TAFA4: variants seen among roughly 807,000 people sequenced by gnomAD.
TAFA4 encodes TAFA chemokine like family member 4, also known as chemokine-like protein TAFA-4.
Under a neutral mutation model 21.1 loss-of-function variants are expected in TAFA4, and 20 were observed. That is an observed-to-expected ratio of 0.95 (90% CI 0.67 to 1.38). The LOEUF is 1.38. Among genes scored for constraint, TAFA4 ranks in the 40% most tolerant of loss-of-function variants. The probability of loss-of-function intolerance (pLI) is 0.00; values close to 1 mark genes in which losing one functional copy is unlikely to be tolerated. For synonymous variants in TAFA4, 71 were observed against 67.4 expected (o/e 1.05, Z -0.26); for missense variants, 211 against 180.9 (o/e 1.17, Z -0.95).
chr3:68,731,842 T>A lies in TAFA4; in HGVS notation c.*1300A>T, dbSNP rs1352692897. 2 of 151,454 alleles carry A rather than the reference T, an allele frequency of 1.3e-5. No homozygotes were observed. Among genetic ancestry groups the A allele is most frequent in the South Asian group, 2.1e-4 (1 of 4,738 alleles). The allele number at this position is 151,454 out of a possible 1,614,324, so 9.4% of individuals were successfully genotyped here. On this transcript the variant is annotated 3_prime_UTR_variant, in exon 6 of 6. Transcript: ENST00000295569. ...TTCAAAAATTACGCCAACAAATCTT[T>A]CCATTCCTTTCCATTCCCTCTGCAA...
chr3:68,858,385 G>T (rs192702209), intron 3 of TAFA4, among the ~76,000 whole-genome samples: 136 of 151,338 alleles, frequency 9.0e-4, no homozygotes, highest in African/African-American at 3.2e-3. Flanking sequence ...CACCGTTAAC[G>T]CAGTGTACCT....
chr3:68,808,514 C>T (rs1290913642), intron 3 of TAFA4, among the ~76,000 whole-genome samples: 1 of 152,208 alleles, frequency 6.6e-6, no homozygotes, highest in Non-Finnish European at 1.5e-5. Context: ...TCTGAATGAG[C>T]CACCATAGCC....
chr3:68,900,539 C>T (rs1651486381), intron 1 of TAFA4, among the ~76,000 whole-genome samples: 1 of 152,004 alleles, frequency 6.6e-6, no homozygotes, highest in South Asian at 2.1e-4. Flanking sequence ...CTCAGAGAAG[C>T]ACTCTCTACT....
intron 3 of TAFA4, among the ~76,000 whole-genome samples, chr3:68,778,620 T>C (rs1037780876): frequency 2.6e-5 from 4 of 152,116 alleles, no homozygotes; most frequent in Non-Finnish European, 5.9e-5. Context: ...TAAAAAGAGG[T>C]GTTCCCCTGC....
intron 3 of TAFA4, among the ~76,000 whole-genome samples, chr3:68,781,760 TATGTGGCCAGCATTACTCTGATATGAAAA>T (rs1231165260): frequency 1.6e-4 from 24 of 152,180 alleles, no homozygotes; most frequent in African/African-American, 5.8e-4. Context: ...TACCTCATTT[TATGTGGCCAGCATTACTCTGATATGAAAA>T]CCAAAGACAC....
chr3:68,817,186 T>G (rs533266669), intron 3 of TAFA4, among the ~76,000 whole-genome samples: 1 of 152,372 alleles, frequency 6.6e-6, no homozygotes, highest in Non-Finnish European at 1.5e-5. Context: ...TCCTTTATTG[T>G]CATTTCAACA....
At chr3:68,761,501 C>T (rs1702754896) in intron 3 of TAFA4, among the ~76,000 whole-genome samples, 1 of 152,076 alleles carries the variant, frequency 6.6e-6, no homozygotes, top group African/African-American at 2.4e-5. Flanking sequence ...CTTGCAAAAT[C>T]TGAGGGGAAA....
intron 3 of TAFA4, among the ~76,000 whole-genome samples, chr3:68,831,448 C>T (rs991013543): frequency 2.0e-5 from 3 of 152,112 alleles, no homozygotes; most frequent in African/African-American, 7.2e-5. Flanking sequence ...ACTTATGAAG[C>T]TTAGTTTGGC....
At position 68,736,136 on chromosome 3, in the gene TAFA4, A is replaced by C. The variant is rs1434863322; in HGVS notation, c.411+2939T>G. On this transcript the variant is annotated intron_variant, in intron 5 of 5. Coordinates refer to ENST00000295569, the MANE Select transcript of TAFA4 (RefSeq NM_182522.5). ...ATTTGCTTCTGCTCACAAACAAGATACGGCAAATGCTTGGCTTCGTTGCTA... is the reference window on the plus strand; with the variant it reads ...ATTTGCTTCTGCTCACAAACAAGATCCGGCAAATGCTTGGCTTCGTTGCTA... Among the ~76,000 whole-genome samples the C allele has an allele frequency of 4.6e-5, 7 of 152,136 alleles. No individual in the cohort carries two copies. The East Asian group carries it at 1.3e-3, about 29-fold the overall frequency.
chr3:68,795,723 C>G (rs946630994), intron 3 of TAFA4, among the ~76,000 whole-genome samples: 1 of 152,062 alleles, frequency 6.6e-6, no homozygotes, highest in Non-Finnish European at 1.5e-5. Context: ...AAGCTCAAGC[C>G]CATTTGGTGA....
chr3:68,921,912 G>C (rs1414826171), intron 1 of TAFA4, among the ~76,000 whole-genome samples: 1 of 152,116 alleles, frequency 6.6e-6, no homozygotes, highest in Admixed American at 6.5e-5. Context: ...TATTTTAAAA[G>C]GCCTCAACTA....
chr3:68,751,886 C>T (rs915646471), intron 4 of TAFA4, among the ~76,000 whole-genome samples: 1 of 152,128 alleles, frequency 6.6e-6, no homozygotes, highest in Non-Finnish European at 1.5e-5. Flanking sequence ...ACATTTGGCC[C>T]CCAAAGTTTC....
At chr3:68,812,163 T>C (rs191581717) in intron 3 of TAFA4, among the ~76,000 whole-genome samples, 165 of 152,168 alleles carry the variant, frequency 1.1e-3, no homozygotes, top group African/African-American at 3.8e-3. Flanking sequence ...CTAAAAGAGC[T>C]CCTGAAAGAA....
rs574982149 is a variant in TAFA4 at position 68,870,685 on chromosome 3, G to C, written c.130+10045C>G. On this transcript the variant is annotated intron_variant, in intron 3 of 5. Coordinates refer to ENST00000295569, the MANE Select transcript of TAFA4 (RefSeq NM_182522.5). ...GCTGCATCTATCAGCCAACCGTCTA[G>C]GTTTTAAGCCCGGCATGCATTGGGT... Among the ~76,000 whole-genome samples, 5 of 152,136 alleles carry C rather than the reference G, an allele frequency of 3.3e-5. No homozygotes were observed. In the South Asian group the frequency reaches 1.0e-3, roughly 32 times the overall value.
At chr3:68,868,790 G>C (rs535124464) in intron 3 of TAFA4, among the ~76,000 whole-genome samples, 14 of 151,916 alleles carry the variant, frequency 9.2e-5, no homozygotes, top group Admixed American at 3.9e-4. Context: ...CTTCAAAAGA[G>C]TAGAACAAGT....
At chr3:68,863,130 TACACAAC>T (rs1001044967) in intron 3 of TAFA4, among the ~76,000 whole-genome samples, 1 of 150,346 alleles carries the variant, frequency 6.7e-6, no homozygotes, top group Non-Finnish European at 1.5e-5. Context: ...CCCAGCTAGC[TACACAAC>T]AGGCTCAGGT....
intron 3 of TAFA4, among the ~76,000 whole-genome samples, chr3:68,767,252 TAGAG>T (rs983350109): frequency 3.3e-5 from 5 of 152,034 alleles, no homozygotes; most frequent in Non-Finnish European, 7.4e-5. Flanking sequence ...AGGGTAGAGT[TAGAG>T]AGAGATATGG....
intron 3 of TAFA4, among the ~76,000 whole-genome samples, chr3:68,787,100 C>T (rs542933367): frequency 6.6e-6 from 1 of 152,046 alleles, no homozygotes; most frequent in Non-Finnish European, 1.5e-5. Flanking sequence ...TCCACAGGAG[C>T]CTCATAATTA....
intron 3 of TAFA4, among the ~76,000 whole-genome samples, chr3:68,850,050 T>C (rs539471710): frequency 2.6e-4 from 40 of 152,344 alleles, no homozygotes; most frequent in Admixed American, 1.5e-3. Flanking sequence ...CCATTTACCA[T>C]TGAGTTGCAA....
Sources: gnomAD v4.1 joint callset for allele counts (sites outside exome capture counted in the v4.1 genomes callset) on GRCh38, gnomAD v4.1.1 for gene constraint, MANE v1.5 for transcripts, NCBI Gene and HGNC (gene_info 2026-07-23, HGNC 2026-07-21) for gene names.